The following PCDH15 variants were observed in gnomAD, a reference collection of about 807,000 sequenced individuals.
The protein encoded by PCDH15 is protocadherin-15.
A neutral mutation model predicts 178.5 loss-of-function variants in PCDH15; 129 were observed. The ratio of observed to expected loss-of-function variants is 0.72; its 90% CI spans 0.63 to 0.84. The LOEUF is 0.84. Ranked by LOEUF, PCDH15 falls within the 40% of genes least tolerant of loss-of-function variation. The pLI is 0.00. For synonymous variants in PCDH15, 800 were observed against 732.0 expected, an observed-to-expected ratio of 1.09 and a Z score of -1.50; for missense variants, 2,230 against 2,099.9, an observed-to-expected ratio of 1.06 and a Z score of -1.21.
At chr10:54,999,919 T>G (rs1232980850) in intron 2 of PCDH15, among the ~76,000 whole-genome samples, 1 of 152,064 alleles carries the variant, frequency 6.6e-6, no homozygotes, top group Non-Finnish European at 1.5e-5. Context: ...ATTAGTGATT[T>G]CAAAAGGAAA....
At chr10:54,526,154 A>C (rs2083342167) in intron 3 of PCDH15, among the ~76,000 whole-genome samples, 2 of 152,310 alleles carry the variant, frequency 1.3e-5, no homozygotes, top group South Asian at 2.1e-4. Flanking sequence ...TAGAGTTCCT[A>C]AGCTCCTTTG....
chr10:54,292,378 A>G lies in PCDH15; in HGVS notation c.876+24893T>C, dbSNP rs139150488. 9.9e-3 allele frequency among the ~76,000 whole-genome samples: 1,514 copies of G among 152,304 alleles called. 27 individuals carry two copies. The highest frequency in any genetic ancestry group is 0.034 in the African/African-American group (1,424 of 41,574). On this transcript the variant is annotated intron_variant, in intron 8 of 37. Transcript: ENST00000644397. The stretch of plus-strand genomic sequence containing the variant: ...ACAGCCAATATCATACTGGATGGGC[A>G]AAAAATGGAAGCATTCCTTTTGAAA...
chr10:55,104,985 A>G (rs758352954), intron 2 of PCDH15, among the ~76,000 whole-genome samples: 1 of 152,182 alleles, frequency 6.6e-6, no homozygotes. Flanking sequence ...GCTCATCCCA[A>G]TAGCAACAGG....
In PCDH15 at chr10:55,399,760, G is replaced by C. The variant is rs535118926; in HGVS notation, c.-156+227865C>G. Among the ~76,000 whole-genome samples the C allele has an allele frequency of 3.3e-4, 50 of 152,166 alleles. 1 individual carries two copies. The highest frequency in any genetic ancestry group is 4.4e-5 in the Non-Finnish European group (3 of 68,006). On this transcript the variant is annotated intron_variant, in intron 2 of 5. Transcript: ENST00000613346. ...CATAAAATTGATTCTTCATCATATC[G>C]GTGGGAGTAAAAGGCTTAAAGTAAA...
intron 2 of PCDH15, among the ~76,000 whole-genome samples, chr10:55,105,920 A>T (rs1190792771): frequency 6.6e-6 from 1 of 152,182 alleles, no homozygotes; most frequent in Non-Finnish European, 1.5e-5. Flanking sequence ...GACTACATGG[A>T]ATGAGTAATC....
At chr10:54,099,513 A>AAAAAAAAAAAAAAAAATATAT (rs1347306483) in intron 15 of PCDH15, among the ~76,000 whole-genome samples, 1 of 117,932 alleles carries the variant, frequency 8.5e-6, no homozygotes, top group Non-Finnish European at 1.6e-5. Flanking sequence ...AAAAAAAAAA[A>AAAAAAAAAAAAAAAAATATAT]ATATATATAT....
At chr10:54,304,050 T>C (rs1235751141) in intron 8 of PCDH15, among the ~76,000 whole-genome samples, 1 of 152,152 alleles carries the variant, frequency 6.6e-6, no homozygotes, top group Non-Finnish European at 1.5e-5. Context: ...GGTTTTTGGA[T>C]GTTTATTACA....
At chr10:55,415,528 T>C (rs1838457627) in intron 2 of PCDH15, among the ~76,000 whole-genome samples, 1 of 151,728 alleles carries the variant, frequency 6.6e-6, no homozygotes. Flanking sequence ...TAATCTCATT[T>C]CTCAAATTTC....
intron 21 of PCDH15, among the ~76,000 whole-genome samples, chr10:53,964,441 TA>T (rs67251283): frequency 7.5e-3 from 166 of 22,236 alleles, no homozygotes; most frequent in Middle Eastern, 0.031. Context: ...AAAATTTTTA[TA>T]AAATTTTATT....
chr10:53,900,223 CTCT>C (rs2082244740), intron 26 of PCDH15, among the ~76,000 whole-genome samples: 1 of 151,758 alleles, frequency 6.6e-6, no homozygotes, highest in Non-Finnish European at 1.5e-5. Flanking sequence ...CTCTCTCTCT[CTCT>C]CTCTCTCCCC....
chr10:54,473,700 G>A (rs1238393255), intron 3 of PCDH15, among the ~76,000 whole-genome samples: 1 of 151,744 alleles, frequency 6.6e-6, no homozygotes, highest in African/African-American at 2.4e-5. Context: ...CATTAAAAGG[G>A]TATTCTAAAA....
intron 3 of PCDH15, among the ~76,000 whole-genome samples, chr10:54,815,213 T>G (rs2133733989): frequency 6.6e-6 from 1 of 151,736 alleles, no homozygotes; most frequent in Admixed American, 6.6e-5. Flanking sequence ...ATTGAAAAAA[T>G]TAAGAAAAAA....
chr10:53,903,410 T>C, intron 25 of PCDH15, 40 bp from the exon 26 acceptor site: 1 of 1,608,158 alleles, frequency 6.2e-7, no homozygotes, highest in African/African-American at 1.3e-5. Flanking sequence ...TTGGTGGTTA[T>C]TCATGGGGGA....
chr10:54,093,663 A>G lies in PCDH15; in HGVS notation c.1918-3600T>C, dbSNP rs548620870. On this transcript the variant is annotated intron_variant, in intron 15 of 37. Transcript: ENST00000644397. The stretch of plus-strand genomic sequence containing the variant: ...AGCCATCTCAAAATAATTGCTTATA[A>G]TGTGTCAGAAACTATATTAAAATTT... Among the ~76,000 whole-genome samples the G allele has an allele frequency of 2.0e-5, 3 of 152,302 alleles. No individual in the cohort carries two copies. The East Asian group carries it at 5.8e-4, about 29-fold the overall frequency.
At chr10:53,945,580 C>T (rs1814148812) in intron 23 of PCDH15, among the ~76,000 whole-genome samples, 1 of 151,810 alleles carries the variant, frequency 6.6e-6, no homozygotes, top group Non-Finnish European at 1.5e-5. Context: ...CTACCCAGCC[C>T]CATGTAACCA....
intron 3 of PCDH15, among the ~76,000 whole-genome samples, chr10:54,427,629 C>T (rs1565248252): frequency 6.6e-6 from 1 of 152,072 alleles, no homozygotes; most frequent in Non-Finnish European, 1.5e-5. Flanking sequence ...TATGCAAATA[C>T]AGTGTAGGGT....
chr10:53,813,250 C>T (rs2075941660), intron 35 of PCDH15, among the ~76,000 whole-genome samples: 1 of 152,104 alleles, frequency 6.6e-6, no homozygotes, highest in Admixed American at 6.6e-5. Context: ...CTGTCATCTG[C>T]TATTGCTTTG....
chr10:54,559,126 T>C (rs2087712039), intron 2 of PCDH15, among the ~76,000 whole-genome samples: 2 of 152,144 alleles, frequency 1.3e-5, no homozygotes, highest in African/African-American at 2.4e-5. Context: ...CTCTTCTCTT[T>C]TCTTTTATCA....
intron 2 of PCDH15, among the ~76,000 whole-genome samples, chr10:55,458,878 T>C (rs895449331): frequency 3.9e-5 from 6 of 151,950 alleles, no homozygotes; most frequent in Non-Finnish European, 8.8e-5. Context: ...AAACGGTAAA[T>C]GACTAAAAAT....
Sources: gnomAD v4.1 joint callset for allele counts (sites outside exome capture counted in the v4.1 genomes callset) on GRCh38, gnomAD v4.1.1 for gene constraint, MANE v1.5 for transcripts, NCBI Gene and HGNC (gene_info 2026-07-23, HGNC 2026-07-21) for gene names.